TANC2: variants seen among roughly 807,000 people sequenced by gnomAD.
TANC2 encodes tetratricopeptide repeat, ankyrin repeat and coiled-coil containing 2, also known as protein TANC2.
TANC2 carries 26 observed loss-of-function variants against 210.5 expected under a neutral mutation model. The observed-to-expected ratio is 0.12, with a 90% CI of 0.09 to 0.17. The LOEUF (loss-of-function observed/expected upper bound fraction) is 0.17, where lower values mean the gene tolerates loss of function less well. Among genes scored for constraint, TANC2 ranks in the 10% least tolerant of loss-of-function variants. TANC2 has a pLI of 1.00. For synonymous variants in TANC2, 931 were observed against 967.1 expected, an observed-to-expected ratio of 0.96 and a Z score of 0.69; for missense variants, 2,129 against 2,608.9, an observed-to-expected ratio of 0.82 and a Z score of 4.01.
At chr17:63,060,071 C>T (rs988746084) in intron 2 of TANC2, among the ~76,000 whole-genome samples, 1 of 152,206 alleles carries the variant, frequency 6.6e-6, no homozygotes, top group Admixed American at 6.5e-5. Flanking sequence ...GTACTACCTT[C>T]ATAGCTCCTT....
Position 63,388,490 on chromosome 17 carries a change from C to T in TANC2, c.2692-145C>T, listed in dbSNP as rs2047857040. ...TGCAGGACTGGTCTTTGTCCCCCCA[C>T]CTAGGCTTTGCTTGGCATGAACATT... is the stretch of plus-strand genomic sequence containing the variant. On this transcript the variant is annotated intron_variant, in intron 15 of 27. Transcript: ENST00000689528. 1.6e-5 allele frequency: 12 copies of T among 765,520 alleles called. No individual in the cohort carries two copies. The South Asian group carries it at 2.8e-4, about 18-fold the overall frequency. 47.4% of individuals were successfully genotyped at this position (765,520 alleles called of 1,614,324 possible).
At chr17:63,332,272 C>A in intron 11 of TANC2, 1 of 333,776 alleles carries the variant, frequency 3.0e-6, no homozygotes. Flanking sequence ...TTGACCCCTT[C>A]CACCTCTCTT....
intron 8 of TANC2, among the ~76,000 whole-genome samples, chr17:63,245,618 G>A (rs1212068586): frequency 6.6e-6 from 1 of 151,830 alleles, no homozygotes; most frequent in East Asian, 1.9e-4. Context: ...TGAGGCAGAC[G>A]AATCACGAGG....
At chr17:63,030,990 T>C (rs1396745750) in intron 2 of TANC2, among the ~76,000 whole-genome samples, 3 of 152,126 alleles carry the variant, frequency 2.0e-5, no homozygotes, top group East Asian at 1.9e-4. Context: ...TGTTGTAGTA[T>C]AAATTAATCT....
chr17:63,220,166 G>T (rs1211764029), intron 7 of TANC2, among the ~76,000 whole-genome samples: 1 of 151,578 alleles, frequency 6.6e-6, no homozygotes, highest in Non-Finnish European at 1.5e-5. Flanking sequence ...ATGGTGTCAC[G>T]TGCCTGTAAT....
intron 1 of TANC2, among the ~76,000 whole-genome samples, chr17:62,976,083 A>T (rs2031986876): frequency 6.6e-6 from 1 of 152,186 alleles, no homozygotes; most frequent in African/African-American, 2.4e-5. Context: ...ATAAAAGCTG[A>T]GAGAAAGAGT....
chr17:63,012,825 A>G (rs1023400403), intron 2 of TANC2, among the ~76,000 whole-genome samples: 3 of 151,918 alleles, frequency 2.0e-5, no homozygotes, highest in Admixed American at 2.0e-4. Context: ...CTAATTAAAA[A>G]AATGTTTTTG....
At chr17:63,238,294 T>C (rs1443350978) in intron 8 of TANC2, among the ~76,000 whole-genome samples, 1 of 152,086 alleles carries the variant, frequency 6.6e-6, no homozygotes, top group East Asian at 1.9e-4. Context: ...TTAGTTCTGC[T>C]CCCAAAATGT....
intron 1 of TANC2, among the ~76,000 whole-genome samples, chr17:62,995,096 A>G (rs1263279247): frequency 2.0e-5 from 3 of 152,230 alleles, no homozygotes; most frequent in Non-Finnish European, 2.9e-5. Context: ...AGATAAATCC[A>G]TCATGTTTCC....
At chr17:63,215,070 A>C (rs1183526627) in intron 7 of TANC2, among the ~76,000 whole-genome samples, 1 of 152,228 alleles carries the variant, frequency 6.6e-6, no homozygotes, top group African/African-American at 2.4e-5. Flanking sequence ...TCAGAACAAA[A>C]AATGTCAAAA....
chr17:63,015,743 T>TA (rs11313179), intron 2 of TANC2, among the ~76,000 whole-genome samples: 2 of 151,588 alleles, frequency 1.3e-5, no homozygotes, highest in Admixed American at 6.6e-5. Flanking sequence ...GAAATTTTCT[T>TA]AAAAAAAAAC....
chr17:63,190,822 A>C (rs1195944953), intron 5 of TANC2, among the ~76,000 whole-genome samples: 1 of 152,226 alleles, frequency 6.6e-6, no homozygotes, highest in Non-Finnish European at 1.5e-5. Flanking sequence ...CAATCTTTAA[A>C]GTATGTCAAA....
At chr17:63,021,978 T>C (rs2034367687) in intron 2 of TANC2, among the ~76,000 whole-genome samples, 1 of 152,194 alleles carries the variant, frequency 6.6e-6, no homozygotes, top group Non-Finnish European at 1.5e-5. Flanking sequence ...AAGGCTATTC[T>C]TGTTAGTAGC....
At chr17:63,393,080 G>T (rs1396014654) in intron 17 of TANC2, among the ~76,000 whole-genome samples, 3 of 152,128 alleles carry the variant, frequency 2.0e-5, no homozygotes, top group Non-Finnish European at 2.9e-5. Context: ...ATTTAGTGTT[G>T]TGCCTCCTTA....
chr17:63,338,142 G>A (rs1453633574), intron 11 of TANC2, among the ~76,000 whole-genome samples: 1 of 152,178 alleles, frequency 6.6e-6, no homozygotes, highest in Non-Finnish European at 1.5e-5. Flanking sequence ...CCCAGTAATG[G>A]GATTGCTGAG....
intron 4 of TANC2, among the ~76,000 whole-genome samples, chr17:63,104,427 G>A (rs1471663382): frequency 1.3e-5 from 2 of 152,086 alleles, no homozygotes; most frequent in East Asian, 1.9e-4. Flanking sequence ...CATACTTTGG[G>A]TAGGGGTGAA....
At chr17:63,358,376 A>ATGTGTGTGTGTGTGTGTGTGTGTGT (rs1555641222) in intron 14 of TANC2, among the ~76,000 whole-genome samples, 1 of 80,942 alleles carries the variant, frequency 1.2e-5, no homozygotes, top group African/African-American at 3.7e-5. Flanking sequence ...AGAGAGAGAG[A>ATGTGTGTGTGTGTGTGTGTGTGTGT]GTATGTGTGT....
chr17:63,233,054 C>T (rs959443770), intron 7 of TANC2, among the ~76,000 whole-genome samples: 23 of 152,224 alleles, frequency 1.5e-4, no homozygotes, highest in African/African-American at 5.5e-4. Context: ...AGTTGCTGTG[C>T]TGCACTGTGG....
At chr17:63,406,400 G>C in intron 21 of TANC2, 123 bp downstream of exon 21, 1 of 1,380,114 alleles carries the variant, frequency 7.2e-7, no homozygotes, top group East Asian at 2.4e-5. Flanking sequence ...GTTGGAAAAT[G>C]AAAGGCTATC....
Sources: gnomAD v4.1 joint callset for allele counts (sites outside exome capture counted in the v4.1 genomes callset) on GRCh38, gnomAD v4.1.1 for gene constraint, MANE v1.5 for transcripts, NCBI Gene and HGNC (gene_info 2026-07-23, HGNC 2026-07-21) for gene names.